TCERG1L: variants seen among roughly 807,000 people sequenced by gnomAD.
TCERG1L encodes transcription elongation regulator 1 like.
TCERG1L carries 37 observed loss-of-function variants against 56.3 expected under a neutral mutation model. The ratio of observed to expected loss-of-function variants is 0.66; its 90% CI spans 0.51 to 0.87. The LOEUF (loss-of-function observed/expected upper bound fraction) is 0.87, where lower values mean the gene tolerates loss of function less well. TCERG1L is among the 40% of genes least tolerant of loss of function. The pLI is 0.00. For synonymous variants in TCERG1L, 324 were observed against 326.3 expected (o/e 0.99, Z 0.08); for missense variants, 799 against 774.2 (o/e 1.03, Z -0.38).
intron 7 of TCERG1L, among the ~76,000 whole-genome samples, chr10:131,145,197 A>G (rs1283430697): frequency 6.6e-6 from 1 of 152,216 alleles, no homozygotes; most frequent in Non-Finnish European, 1.5e-5. Context: ...TTCCCGTGGG[A>G]TCTGAGGGTG....
chr10:131,252,904 G>A (rs1327521352), intron 4 of TCERG1L, among the ~76,000 whole-genome samples: 1 of 152,150 alleles, frequency 6.6e-6, no homozygotes, highest in Admixed American at 6.5e-5. Flanking sequence ...TCCCTGATCT[G>A]TCTACAGACC....
At chr10:131,144,828 AAAG>A (rs1845777820) in intron 7 of TCERG1L, among the ~76,000 whole-genome samples, 1 of 152,186 alleles carries the variant, frequency 6.6e-6, no homozygotes, top group South Asian at 2.1e-4. Flanking sequence ...ATTCTTGTTA[AAAG>A]AAGGAGACGG....
chr10:131,134,241 GA>G (rs1845650661), intron 8 of TCERG1L, 137 bp downstream of exon 8: 1 of 800,384 alleles, frequency 1.2e-6, no homozygotes. Context: ...GACAGAACCT[GA>G]AACCTCTTAC....
chr10:131,269,103 A>G (rs1194555433), intron 3 of TCERG1L, among the ~76,000 whole-genome samples: 1 of 152,206 alleles, frequency 6.6e-6, no homozygotes, highest in East Asian at 1.9e-4. Flanking sequence ...CTAGCTTTTG[A>G]TTTAAAGTGA....
intron 6 of TCERG1L, chr10:131,161,028 A>G (rs1047269847): frequency 6.6e-6 from 1 of 152,164 alleles, no homozygotes; most frequent in African/African-American, 2.4e-5. Flanking sequence ...GACACTGGAG[A>G]GTTTGCCTGT....
chr10:131,181,378 C>T (rs776183306), intron 4 of TCERG1L, among the ~76,000 whole-genome samples: 7 of 152,238 alleles, frequency 4.6e-5, no homozygotes, highest in East Asian at 1.9e-4. Context: ...TGCGATTGGG[C>T]GGGCCTGGGC....
In TCERG1L at chr10:131,280,906, T is replaced by G. The variant is rs7090823; in HGVS notation, c.671-20462A>C. ...TCCTTTTCGTCTGTCAGGTATAAAGTGAAGAAATTTTGCTATCCATGGAAC... is the reference window on the plus strand; with the variant it reads ...TCCTTTTCGTCTGTCAGGTATAAAGGGAAGAAATTTTGCTATCCATGGAAC... On this transcript the variant is annotated intron_variant, in intron 3 of 11. Transcript: ENST00000368642. Among the ~76,000 whole-genome samples, 168 of 152,238 alleles carry G rather than the reference T, an allele frequency of 1.1e-3. 1 individual carries two copies. Among genetic ancestry groups the G allele is most frequent in the African/African-American group, 3.8e-3 (159 of 41,550 alleles).
At chr10:131,201,014 G>T (rs143544442) in intron 4 of TCERG1L, among the ~76,000 whole-genome samples, 1 of 152,106 alleles carries the variant, frequency 6.6e-6, no homozygotes, top group Non-Finnish European at 1.5e-5. Context: ...ACAGAATCAC[G>T]GCGCCATCTT....
At chr10:131,149,697 G>A (rs190666005) in intron 6 of TCERG1L, among the ~76,000 whole-genome samples, 56 of 152,324 alleles carry the variant, frequency 3.7e-4, no homozygotes, top group Non-Finnish European at 6.9e-4. Context: ...TGGGCTCTTT[G>A]GCAACACGTA....
intron 7 of TCERG1L, among the ~76,000 whole-genome samples, chr10:131,137,273 C>T (rs532603005): frequency 4.1e-4 from 63 of 152,340 alleles, no homozygotes; most frequent in Non-Finnish European, 7.6e-4. Flanking sequence ...AGTCCTCTCC[C>T]GCTGGGGCGC....
At chr10:131,134,619 C>T (rs1424591433) in intron 7 of TCERG1L, among the ~76,000 whole-genome samples, 171 bp from the exon 8 acceptor site, 1 of 152,226 alleles carries the variant, frequency 6.6e-6, no homozygotes, top group Non-Finnish European at 1.5e-5. Context: ...CATGCTTTTA[C>T]ATTTCAGCAG....
chr10:131,199,905 G>A (rs1039324359), intron 4 of TCERG1L, among the ~76,000 whole-genome samples: 4 of 152,160 alleles, frequency 2.6e-5, no homozygotes, highest in African/African-American at 7.2e-5. Context: ...AGTGTGTCCC[G>A]GCGGCTGCCC....
intron 7 of TCERG1L, among the ~76,000 whole-genome samples, chr10:131,145,903 T>C (rs534704025): frequency 1.1e-4 from 17 of 152,332 alleles, no homozygotes; most frequent in Middle Eastern, 3.4e-3. Flanking sequence ...TTAGATCTAA[T>C]CGGAAAAGAT....
intron 4 of TCERG1L, among the ~76,000 whole-genome samples, chr10:131,176,867 T>C: frequency 6.7e-6 from 1 of 150,108 alleles, no homozygotes; most frequent in Non-Finnish European, 1.5e-5. Context: ...CAGAGACACG[T>C]GCACACACAC....
chr10:131,219,437 C>A (rs1845706349), intron 4 of TCERG1L, among the ~76,000 whole-genome samples: 1 of 152,236 alleles, frequency 6.6e-6, no homozygotes, highest in Non-Finnish European at 1.5e-5. Flanking sequence ...CAGGAGCAGG[C>A]TCTGGGGATG....
intron 11 of TCERG1L, among the ~76,000 whole-genome samples, chr10:131,094,927 G>A (rs1845226119): frequency 6.6e-6 from 1 of 152,224 alleles, no homozygotes; most frequent in South Asian, 2.1e-4. Flanking sequence ...GCCCTATTCT[G>A]GGCCTCTCTG....
intron 5 of TCERG1L, 143 bp downstream of exon 5, chr10:131,166,654 G>C: frequency 1.2e-6 from 1 of 815,300 alleles, no homozygotes; most frequent in Non-Finnish European, 1.9e-6. Flanking sequence ...GGCCCCTTCA[G>C]TGCCAGGTCC....
chr10:131,281,691 G>A (rs575639726), intron 3 of TCERG1L, among the ~76,000 whole-genome samples: 7 of 151,192 alleles, frequency 4.6e-5, no homozygotes, highest in South Asian at 2.1e-4. Context: ...CCGACGCTCC[G>A]TCCTAAAGTC....
At position 131,225,031 on chromosome 10, in the gene TCERG1L, T is replaced by C. The variant is rs1390688238; in HGVS notation, c.856+35228A>G. On this transcript the variant is annotated intron_variant, in intron 4 of 11. Transcript: ENST00000368642. Reference sequence around the variant, plus strand: ...TGGGCACTGAGGCTCATGAGTGCCGTGGATGTGTTGACTGAGAAAGGCCTG... The same window carrying C: ...TGGGCACTGAGGCTCATGAGTGCCGCGGATGTGTTGACTGAGAAAGGCCTG... 9.2e-5 allele frequency among the ~76,000 whole-genome samples: 14 copies of C among 152,228 alleles called. No individual in the cohort carries two copies. The East Asian group carries it at 2.3e-3, about 25-fold the overall frequency.
Sources: allele counts gnomAD v4.1 joint callset (sites outside exome capture counted in the v4.1 genomes callset), GRCh38; gene constraint gnomAD v4.1.1; transcripts MANE v1.5; gene names NCBI Gene and HGNC (gene_info 2026-07-23, HGNC 2026-07-21).